DENND1A: variants seen among roughly 807,000 people sequenced by gnomAD.
DENND1A encodes the protein DENN domain containing 1A.
Under a neutral mutation model 113.7 loss-of-function variants are expected in DENND1A, and 51 were observed. The ratio of observed to expected loss-of-function variants is 0.45; its 90% CI spans 0.36 to 0.57. DENND1A has a LOEUF of 0.57. DENND1A is among the 20% of genes least tolerant of loss of function. DENND1A has a pLI of 0.00. For missense variants in DENND1A, 1,258 were observed against 1,395.9 expected (o/e 0.90, Z 1.57); for synonymous variants, 565 against 570.8 (o/e 0.99, Z 0.14).
At chr9:123,662,089 C>A (rs917084274) in intron 8 of DENND1A, among the ~76,000 whole-genome samples, 1 of 152,180 alleles carries the variant, frequency 6.6e-6, no homozygotes, top group Non-Finnish European at 1.5e-5. Context: ...AGGCGCATCA[C>A]TGCAATTTCA....
chr9:123,755,682 A>G (rs1406971087), intron 5 of DENND1A, among the ~76,000 whole-genome samples: 1 of 152,154 alleles, frequency 6.6e-6, no homozygotes, highest in Non-Finnish European at 1.5e-5. Flanking sequence ...CGGTGTGAAG[A>G]TGCTGAGGAT....
intron 8 of DENND1A, among the ~76,000 whole-genome samples, chr9:123,656,098 G>C (rs2062930327): frequency 6.6e-6 from 1 of 152,238 alleles, no homozygotes; most frequent in South Asian, 2.1e-4. Context: ...GCAGGGGAAG[G>C]CTGGAGAAAG....
chr9:123,541,970 CA>C (rs2135617504), intron 13 of DENND1A, among the ~76,000 whole-genome samples: 1 of 152,364 alleles, frequency 6.6e-6, no homozygotes, highest in East Asian at 1.9e-4. Flanking sequence ...AGTGCACACA[CA>C]GTGCCTCTCC....
At chr9:123,575,859 T>A (rs191341777) in intron 12 of DENND1A, among the ~76,000 whole-genome samples, 2 of 152,372 alleles carry the variant, frequency 1.3e-5, no homozygotes, top group African/African-American at 4.8e-5. Context: ...ATTTGACTCT[T>A]CATATTTAAA....
chr9:123,822,477 T>C (rs1165157339), intron 2 of DENND1A, among the ~76,000 whole-genome samples: 3 of 152,226 alleles, frequency 2.0e-5, no homozygotes, highest in Non-Finnish European at 2.9e-5. Flanking sequence ...CAGGAGCTTT[T>C]GTAGATGCAT....
chr9:123,440,593 C>T (rs2046858750), intron 18 of DENND1A, 102 bp from the exon 19 acceptor site: 20 of 1,386,998 alleles, frequency 1.4e-5, no homozygotes, highest in Non-Finnish European at 1.9e-5. Context: ...CTCTCCGTGA[C>T]ATTCTGAGCC....
chr9:123,695,781 C>T (rs1325690079), intron 5 of DENND1A, among the ~76,000 whole-genome samples: 2 of 152,154 alleles, frequency 1.3e-5, no homozygotes, highest in South Asian at 2.1e-4. Flanking sequence ...CTACCAACCC[C>T]GGCCAACATG....
chr9:123,845,547 G>C (rs1019902225), intron 2 of DENND1A, among the ~76,000 whole-genome samples: 8 of 151,644 alleles, frequency 5.3e-5, no homozygotes, highest in Non-Finnish European at 5.9e-5. Flanking sequence ...GCATACACCT[G>C]TAGTCCCAGC....
intron 5 of DENND1A, among the ~76,000 whole-genome samples, chr9:123,697,335 C>G (rs1009528451): frequency 6.6e-6 from 1 of 152,186 alleles, no homozygotes; most frequent in African/African-American, 2.4e-5. Context: ...CCATATTATT[C>G]TACCCACCAG....
Position 123,631,695 on chromosome 9 carries a change from G to A in DENND1A, c.619-1219C>T, listed in dbSNP as rs139482399. Among the ~76,000 whole-genome samples the A allele has an allele frequency of 5.3e-5, 8 of 152,258 alleles. No individual in the cohort carries two copies. The East Asian group carries it at 1.5e-3, about 29-fold the overall frequency. ...TCCACATAGGTAATCAATTGCTCTG[G>A]CACTGTTTACTGACTAATCCTTCCT... On this transcript the variant is annotated intron_variant, in intron 9 of 23. Coordinates refer to ENST00000394215, the MANE Select transcript of DENND1A (RefSeq NM_001352964.2).
At chr9:123,620,548 T>C (rs1361115268) in intron 10 of DENND1A, among the ~76,000 whole-genome samples, 1 of 152,188 alleles carries the variant, frequency 6.6e-6, no homozygotes, top group Non-Finnish European at 1.5e-5. Flanking sequence ...CCCAAGACTT[T>C]GACTTCCAAA....
chr9:123,525,740 C>T (rs1488889407), intron 13 of DENND1A, among the ~76,000 whole-genome samples: 1 of 150,286 alleles, frequency 6.7e-6, no homozygotes, highest in Admixed American at 6.7e-5. Context: ...TTAGGTTCAC[C>T]CAGCTAGTGC....
intron 13 of DENND1A, among the ~76,000 whole-genome samples, chr9:123,542,661 G>A (rs2056373329): frequency 6.6e-6 from 1 of 152,058 alleles, no homozygotes; most frequent in South Asian, 2.1e-4. Flanking sequence ...GAGGAAAGTG[G>A]AAGGGAAAAG....
intron 11 of DENND1A, among the ~76,000 whole-genome samples, chr9:123,589,171 T>C (rs2136993482): frequency 6.6e-6 from 1 of 152,160 alleles, no homozygotes; most frequent in South Asian, 2.1e-4. Context: ...TGCGACAGAG[T>C]GCCCTACTAC....
At position 123,455,788 on chromosome 9, in the gene DENND1A, A is replaced by C. The variant is rs117537682; in HGVS notation, c.1187-1009T>G. 5.4e-3 allele frequency among the ~76,000 whole-genome samples: 816 copies of C among 152,350 alleles called. 2 individuals carry two copies. Among genetic ancestry groups the C allele is most frequent in the South Asian group, 0.01 (50 of 4,824 alleles). On this transcript the variant is annotated intron_variant, in intron 15 of 23. Coordinates refer to ENST00000394215, the MANE Select transcript of DENND1A (RefSeq NM_001352964.2). Reference sequence around the variant, plus strand: ...ACTGAATAAGTGAGCTCAGTTTAACAACACCTAAAGCCTTTCTTCCTGGAA... The same window carrying C: ...ACTGAATAAGTGAGCTCAGTTTAACCACACCTAAAGCCTTTCTTCCTGGAA...
intron 2 of DENND1A, among the ~76,000 whole-genome samples, chr9:123,855,960 C>G (rs1844117733): frequency 6.6e-6 from 1 of 152,080 alleles, no homozygotes; most frequent in African/African-American, 2.4e-5. Flanking sequence ...TCGCTTGAAC[C>G]CGGGAGGCGG....
At chr9:123,909,903 T>C (rs947245458) in intron 1 of DENND1A, among the ~76,000 whole-genome samples, 1 of 151,766 alleles carries the variant, frequency 6.6e-6, no homozygotes, top group South Asian at 2.1e-4. Flanking sequence ...AACTAGAAAA[T>C]GACATTTAAA....
intron 19 of DENND1A, among the ~76,000 whole-genome samples, chr9:123,424,308 G>A (rs904732994): frequency 3.3e-5 from 5 of 152,198 alleles, no homozygotes; most frequent in Admixed American, 3.3e-4. Flanking sequence ...GCTGGATGAA[G>A]AGGAACACAG....
chr9:123,562,779 C>A (rs371474789), intron 12 of DENND1A, among the ~76,000 whole-genome samples: 1 of 152,040 alleles, frequency 6.6e-6, no homozygotes, highest in East Asian at 1.9e-4. Context: ...AGATGTCCCC[C>A]CATCTGTGAA....
Sources: allele counts gnomAD v4.1 joint callset (sites outside exome capture counted in the v4.1 genomes callset), GRCh38; gene constraint gnomAD v4.1.1; transcripts MANE v1.5; gene names NCBI Gene and HGNC (gene_info 2026-07-23, HGNC 2026-07-21).